Variants in ZNF333 observed in about 807,000 individuals in gnomAD.
ZNF333 encodes the protein zinc finger protein 333.
Under a neutral mutation model 76.1 loss-of-function variants are expected in ZNF333, and 61 were observed. The observed-to-expected ratio is 0.80, with a 90% confidence interval of 0.65 to 0.99. The LOEUF is 0.99. ZNF333 is among the 50% of genes least tolerant of loss of function. The pLI is 0.00. For synonymous variants in ZNF333, 284 were observed against 305.0 expected (o/e 0.93, Z 0.72); for missense variants, 717 against 822.4 (o/e 0.87, Z 1.57).
At chr19:14,706,629 G>C in intron 6 of ZNF333, 57 bp from the exon 7 acceptor site, 15 of 1,380,934 alleles carry the variant, frequency 1.1e-5, no homozygotes, top group Non-Finnish European at 1.5e-5. Flanking sequence ...GTGAGCAGGT[G>C]TGAGTGGCCC....
chr19:14,727,774 T>C (rs1323535168), intron 11 of ZNF333, among the ~76,000 whole-genome samples: 2 of 152,142 alleles, frequency 1.3e-5, no homozygotes, highest in Non-Finnish European at 2.9e-5. Flanking sequence ...TCATTTCCTT[T>C]AATCCCATTT....
intron 6 of ZNF333, chr19:14,706,109 C>G (rs1190035251): frequency 2.2e-6 from 1 of 457,672 alleles, no homozygotes; most frequent in East Asian, 6.9e-5. Flanking sequence ...CCTGTCCCTG[C>G]TGCTGCCATC....
At chr19:14,713,204 G>A (rs1414165918) in intron 7 of ZNF333, among the ~76,000 whole-genome samples, 4 of 152,136 alleles carry the variant, frequency 2.6e-5, no homozygotes, top group Non-Finnish European at 4.4e-5. Flanking sequence ...TCCAAAATAC[G>A]GTGATGGGGC....
Position 14,716,129 on chromosome 19 carries a change from A to G in ZNF333, c.618A>G (p.Ala206=). Residue 206 remains alanine (A), a synonymous_variant, in exon 9 of 12, where the codon GCA becomes GCG. Transcript: ENST00000292530. Reference sequence around the variant, plus strand: ...TGTTTTAGGAACCAGTCACCTTTGCAGATGTGGCTGTGGTGTTCACCCCAG... The same window carrying G: ...TGTTTTAGGAACCAGTCACCTTTGCGGATGTGGCTGTGGTGTTCACCCCAG... ...TACSQEPVTF[A]DVAVVFTPEE... 1 of 1,614,074 alleles carries G rather than the reference A, an allele frequency of 6.2e-7. No homozygotes were observed. The highest frequency in any genetic ancestry group is 2.2e-5 in the East Asian group (1 of 44,870).
chr19:14,703,273 G>C (rs1166829811), intron 5 of ZNF333, among the ~76,000 whole-genome samples: 2 of 151,710 alleles, frequency 1.3e-5, no homozygotes, highest in African/African-American at 2.4e-5. Context: ...AGCAGCATGG[G>C]GGTAACTGCC....
At chr19:14,705,218 A>T in intron 6 of ZNF333, 48 bp downstream of exon 6, 5 of 1,509,874 alleles carry the variant, frequency 3.3e-6, no homozygotes, top group Non-Finnish European at 4.6e-6. Context: ...GCAGTCAGGA[A>T]GGCCTGGGGT....
In ZNF333 at chr19:14,720,708, AATC is replaced by A. The variant is rs1189156217; in HGVS notation, c.*1385_*1387del. 1.0e-6 allele frequency: 1 copy of A among 985,418 alleles called. No homozygotes were observed. 61.0% of individuals were successfully genotyped at this position (985,418 alleles called of 1,614,324 possible). A position where few individuals can be genotyped will look rare whatever the true frequency, so the allele number is the denominator to read the frequency against. ...TTATAAATGCTTCATGGATGGTTGA[AATC>A]AATGTATTGTATTCTACAAATGTCT... On this transcript the variant is annotated 3_prime_UTR_variant, in exon 12 of 12. Transcript: ENST00000292530.
chr19:14,726,934 T>G (rs372178202), intron 11 of ZNF333, among the ~76,000 whole-genome samples: 1 of 152,154 alleles, frequency 6.6e-6, no homozygotes, highest in Admixed American at 6.6e-5. Flanking sequence ...CTAAAGCTGC[T>G]TTCACATTTT....
chr19:14,705,021 T>C (rs368015640), intron 5 of ZNF333, 33 bp from the exon 6 acceptor site: 13 of 1,602,494 alleles, frequency 8.1e-6, no homozygotes, highest in Non-Finnish European at 1.1e-5. Context: ...GTGCCAACTC[T>C]GTCCTGCTCA....
chr19:14,693,865 A>C (rs1972954183), intron 2 of ZNF333, among the ~76,000 whole-genome samples: 1 of 151,864 alleles, frequency 6.6e-6, no homozygotes, highest in South Asian at 2.1e-4. Flanking sequence ...CTGGAATCGC[A>C]GCTACTTGGG....
chr19:14,692,045 G>T (rs1331389032), intron 1 of ZNF333, among the ~76,000 whole-genome samples: 1 of 152,168 alleles, frequency 6.6e-6, no homozygotes, highest in African/African-American at 2.4e-5. Context: ...CATTCTTGAG[G>T]AGTGTTGATT....
At chr19:14,708,292 G>A in intron 7 of ZNF333, 1 of 400,586 alleles carries the variant, frequency 2.5e-6, no homozygotes, top group Non-Finnish European at 4.4e-6. Context: ...ACAGGTGTGA[G>A]CCACCGTGCC....
chr19:14,715,502 C>T, intron 8 of ZNF333, 32 bp downstream of exon 8: 3 of 1,590,476 alleles, frequency 1.9e-6, no homozygotes, highest in Non-Finnish European at 2.6e-6. Context: ...TAAAAGAACA[C>T]TGCTGTGCCC....
At chr19:14,707,997 ACTT>A (rs923410923) in intron 7 of ZNF333, 24 of 399,918 alleles carry the variant, frequency 6.0e-5, no homozygotes, top group African/African-American at 3.1e-4. Context: ...CTATTTTGTT[ACTT>A]CTTCTTTTTT....
chr19:14,698,458 T>A (rs1042304133), intron 4 of ZNF333, among the ~76,000 whole-genome samples: 2 of 151,734 alleles, frequency 1.3e-5, no homozygotes, highest in Non-Finnish European at 2.9e-5. Flanking sequence ...GGCACAAGAA[T>A]TGCTTGAACC....
At chr19:14,698,899 G>T (rs12610397) in intron 4 of ZNF333, among the ~76,000 whole-genome samples, 5,467 of 131,856 alleles carry the variant, frequency 0.041, 292 homozygotes, top group African/African-American at 0.11. Context: ...CACAAATATA[G>T]ATATATATAT....
chr19:14,721,280 C>CTTTTTTTTTTTTTTTTTTTTT lies in ZNF333; in HGVS notation c.*1960_*1980dup, dbSNP rs56066058. Reference sequence around the variant, plus strand: ...GGACTAGTCTCCATTTTTACTTGTTCTTTTTTTTTTTTTTTTTTTTTTTTT... The same window carrying CTTTTTTTTTTTTTTTTTTTTT: ...GGACTAGTCTCCATTTTTACTTGTTCTTTTTTTTTTTTTTTTTTTTTTTTTTTTTTTTTTTTTTTTTTTTTT... On this transcript the variant is annotated 3_prime_UTR_variant, in exon 12 of 12. Coordinates refer to ENST00000292530, the MANE Select transcript of ZNF333 (RefSeq NM_032433.4). 5 of 87,864 alleles carry CTTTTTTTTTTTTTTTTTTTTT rather than the reference C, an allele frequency of 5.7e-5. No individual in the cohort carries two copies. The highest frequency in any genetic ancestry group is 6.3e-5 in the Non-Finnish European group (3 of 47,642). The allele number at this position is 87,864 out of a possible 1,614,324, so 5.4% of individuals were successfully genotyped here. A position where few individuals can be genotyped will look rare whatever the true frequency, so the allele number is the denominator to read the frequency against.
chr19:14,692,048 T>A (rs528964346), intron 1 of ZNF333, among the ~76,000 whole-genome samples: 1 of 152,076 alleles, frequency 6.6e-6, no homozygotes, highest in Non-Finnish European at 1.5e-5. Flanking sequence ...TCTTGAGGAG[T>A]GTTGATTATT....
intron 10 of ZNF333, 162 bp from the exon 11 acceptor site, chr19:14,717,495 T>G (rs1488223465): frequency 1.6e-5 from 10 of 617,162 alleles, no homozygotes; most frequent in Admixed American, 2.9e-5. Flanking sequence ...AAAATTTTCC[T>G]TAACTTTTAG....
Sources: gnomAD v4.1 joint callset for allele counts (sites outside exome capture counted in the v4.1 genomes callset) on GRCh38, gnomAD v4.1.1 for gene constraint, MANE v1.5 for transcripts, NCBI Gene and HGNC (gene_info 2026-07-23, HGNC 2026-07-21) for gene names.